The following GFPT1 variants were observed in gnomAD, a reference collection of about 807,000 sequenced individuals.
GFPT1 encodes the protein glutamine--fructose-6-phosphate transaminase 1.
GFPT1 carries 40 observed loss-of-function variants against 92.0 expected under a neutral mutation model. That is an observed-to-expected ratio of 0.43 (90% CI 0.34 to 0.57). The LOEUF (loss-of-function observed/expected upper bound fraction) is 0.57. GFPT1 is among the 20% of genes least tolerant of loss of function. The pLI is 0.02. For missense variants in GFPT1, 448 were observed against 869.1 expected, an observed-to-expected ratio of 0.52 and a Z score of 6.09; for synonymous variants, 269 against 280.6, an observed-to-expected ratio of 0.96 and a Z score of 0.41.
chr2:69,386,642 T>C (rs1672134696), intron 1 of GFPT1, among the ~76,000 whole-genome samples: 1 of 152,128 alleles, frequency 6.6e-6, no homozygotes, highest in Non-Finnish European at 1.5e-5. Flanking sequence ...TTTAAAGATT[T>C]TTAGAAAAAT....
At chr2:69,333,574 T>C (rs996924052) in intron 15 of GFPT1, among the ~76,000 whole-genome samples, 5 of 152,232 alleles carry the variant, frequency 3.3e-5, no homozygotes, top group Non-Finnish European at 7.3e-5. Flanking sequence ...ACTTGGTTTT[T>C]CTTTTTGTTC....
chr2:69,361,767 C>T (rs1671477393), intron 4 of GFPT1, among the ~76,000 whole-genome samples: 1 of 152,018 alleles, frequency 6.6e-6, no homozygotes, highest in Non-Finnish European at 1.5e-5. Context: ...TTACTTGAGT[C>T]CAGAAATTTG....
chr2:69,376,712 T>G (rs1247364112), intron 1 of GFPT1, among the ~76,000 whole-genome samples: 1 of 152,040 alleles, frequency 6.6e-6, no homozygotes, highest in Non-Finnish European at 1.5e-5. Context: ...TCCTAAACTC[T>G]CTCTTTTTTA....
In GFPT1 at chr2:69,329,672, G is replaced by A. The variant is rs769530704; in HGVS notation, c.1597+12C>T. On this transcript the variant is annotated intron_variant, in intron 16 of 19. Transcript: ENST00000357308. ...TAGACAACAAAAGTGTAATATATGA[G>A]TGTCTTTGTACCAGGCAGCCGTTTC... The A allele has an allele frequency of 9.1e-6, 14 of 1,540,440 alleles. No homozygotes were observed. Among genetic ancestry groups the A allele is most frequent in the Non-Finnish European group, 1.3e-5 (14 of 1,112,866 alleles).
At chr2:69,376,468 G>A (rs983662063) in intron 1 of GFPT1, among the ~76,000 whole-genome samples, 12 of 151,648 alleles carry the variant, frequency 7.9e-5, no homozygotes, top group African/African-American at 2.7e-4. Flanking sequence ...GCAGTGAGCC[G>A]AGATCGCACT....
intron 1 of GFPT1, among the ~76,000 whole-genome samples, chr2:69,384,827 C>T (rs1672096484): frequency 6.6e-6 from 1 of 151,106 alleles, no homozygotes; most frequent in African/African-American, 2.4e-5. Flanking sequence ...AAGAGAAAAA[C>T]TTAACTAGAT....
intron 4 of GFPT1, among the ~76,000 whole-genome samples, chr2:69,361,776 T>A (rs1195940599): frequency 6.6e-6 from 1 of 152,024 alleles, no homozygotes; most frequent in Non-Finnish European, 1.5e-5. Context: ...TCCAGAAATT[T>A]GTAACCAGCC....
chr2:69,345,613 T>C (rs1317164570), intron 12 of GFPT1, among the ~76,000 whole-genome samples: 1 of 152,194 alleles, frequency 6.6e-6, no homozygotes, highest in Admixed American at 6.5e-5. Context: ...AATTTCATCA[T>C]CCCACAACTG....
intron 15 of GFPT1, among the ~76,000 whole-genome samples, chr2:69,335,819 G>A (rs953378907): frequency 2.0e-5 from 3 of 151,724 alleles, no homozygotes; most frequent in Admixed American, 6.6e-5. Flanking sequence ...CCAAGAGTTC[G>A]AGACTGGCCT....
intron 4 of GFPT1, among the ~76,000 whole-genome samples, chr2:69,362,355 G>A (rs1008208798): frequency 6.6e-6 from 1 of 152,060 alleles, no homozygotes; most frequent in Non-Finnish European, 1.5e-5. Context: ...TCAAACTCCT[G>A]GGCTCAGGCA....
At chr2:69,368,104 C>T (rs1297637033) in intron 3 of GFPT1, among the ~76,000 whole-genome samples, 1 of 152,138 alleles carries the variant, frequency 6.6e-6, no homozygotes, top group Non-Finnish European at 1.5e-5. Context: ...CAAAAATTAG[C>T]AAGGTGTGGT....
At chr2:69,354,621 A>C (rs1671290138) in intron 7 of GFPT1, 53 bp from the exon 8 acceptor site, 1 of 1,011,780 alleles carries the variant, frequency 9.9e-7, no homozygotes, top group Non-Finnish European at 1.6e-6. Context: ...ATAATGGACT[A>C]ATGACATAAA....
intron 1 of GFPT1, among the ~76,000 whole-genome samples, chr2:69,381,484 C>T (rs1672008341): frequency 6.6e-6 from 1 of 151,948 alleles, no homozygotes; most frequent in Non-Finnish European, 1.5e-5. Context: ...TACTTCTCAT[C>T]CTTCCTTGTA....
rs1324151123 is a variant in GFPT1 at position 69,321,483 on chromosome 2, C to T, written c.*4706G>A. 6.6e-6 allele frequency: 1 copy of T among 152,202 alleles called. No individual in the cohort carries two copies. Among genetic ancestry groups the T allele is most frequent in the Non-Finnish European group, 1.5e-5 (1 of 68,032 alleles). 9.4% of individuals were successfully genotyped at this position (152,202 alleles called of 1,614,324 possible). On this transcript the variant is annotated 3_prime_UTR_variant, in exon 20 of 20. Transcript: ENST00000357308. ...TCTAACATAACTACAAATGTGTATACACTTCAAATATTAGCAAATTGCTTC... is the reference window on the plus strand; with the variant it reads ...TCTAACATAACTACAAATGTGTATATACTTCAAATATTAGCAAATTGCTTC...
intron 6 of GFPT1, among the ~76,000 whole-genome samples, chr2:69,357,345 A>G (rs1031016515): frequency 6.6e-6 from 1 of 152,246 alleles, no homozygotes; most frequent in Admixed American, 6.5e-5. Context: ...TAACATGCAC[A>G]CCATACAACT....
At chr2:69,347,096 A>C (rs1441293215) in intron 11 of GFPT1, among the ~76,000 whole-genome samples, 1 of 151,978 alleles carries the variant, frequency 6.6e-6, no homozygotes, top group Non-Finnish European at 1.5e-5. Flanking sequence ...TTTTTAGTAG[A>C]AACAGGGTTT....
chr2:69,320,883 A>AGG lies in GFPT1; in HGVS notation c.*5304_*5305dup, dbSNP rs1670387329. 1 of 152,094 alleles carries AGG rather than the reference A, an allele frequency of 6.6e-6. No individual in the cohort carries two copies. The highest frequency in any genetic ancestry group is 1.5e-5 in the Non-Finnish European group (1 of 68,064). The allele number at this position is 152,094 out of a possible 1,614,324, so 9.4% of individuals were successfully genotyped here. A position where few individuals can be genotyped will look rare whatever the true frequency, so the allele number is the denominator to read the frequency against. On this transcript the variant is annotated 3_prime_UTR_variant, in exon 20 of 20. Coordinates refer to ENST00000357308, the MANE Select transcript of GFPT1 (RefSeq NM_001244710.2). The stretch of plus-strand genomic sequence containing the variant: ...AAGAAGAGAGAGGGAGAGGTGGAGG[A>AGG]GGGAGAGAGAGAGAGAGACCAAAGA...
At chr2:69,385,665 C>T (rs1039335248) in intron 1 of GFPT1, among the ~76,000 whole-genome samples, 1 of 151,984 alleles carries the variant, frequency 6.6e-6, no homozygotes. Context: ...CAGTTAACTA[C>T]CAAATGAAGC....
At chr2:69,340,509 T>C (rs1480641430) in intron 13 of GFPT1, among the ~76,000 whole-genome samples, 1 of 152,162 alleles carries the variant, frequency 6.6e-6, no homozygotes, top group African/African-American at 2.4e-5. Flanking sequence ...ACGTTAAGCA[T>C]GTGGGAGTTA....
Sources: allele counts gnomAD v4.1 joint callset (sites outside exome capture counted in the v4.1 genomes callset), GRCh38; gene constraint gnomAD v4.1.1; transcripts MANE v1.5; gene names NCBI Gene and HGNC (gene_info 2026-07-23, HGNC 2026-07-21).